Variants in GRID1 observed in about 807,000 individuals in gnomAD.
The protein encoded by GRID1 is glutamate ionotropic receptor delta type subunit 1.
A neutral mutation model predicts 98.0 loss-of-function variants in GRID1; 28 were observed. The ratio of observed to expected loss-of-function variants is 0.29; its 90% CI spans 0.21 to 0.39. GRID1 has a LOEUF of 0.39. GRID1 is among the 10% of genes least tolerant of loss of function. The pLI is 1.00. For missense variants in GRID1, 1,111 were observed against 1,340.5 expected (o/e 0.83, Z 2.67); for synonymous variants, 553 against 538.5 (o/e 1.03, Z -0.37).
intron 2 of GRID1, among the ~76,000 whole-genome samples, chr10:86,354,754 C>T (rs560028118): frequency 1.3e-5 from 2 of 152,218 alleles, no homozygotes; most frequent in Non-Finnish European, 2.9e-5. Context: ...GGGATTCTGG[C>T]CACTCTATGC....
At chr10:86,083,715 A>G (rs1046266578) in intron 4 of GRID1, among the ~76,000 whole-genome samples, 7 of 152,178 alleles carry the variant, frequency 4.6e-5, no homozygotes, top group African/African-American at 1.7e-4. Flanking sequence ...AAGAATGATA[A>G]ATCTGCCAGC....
chr10:86,227,788 C>T (rs1222176366), intron 2 of GRID1, among the ~76,000 whole-genome samples: 1 of 152,180 alleles, frequency 6.6e-6, no homozygotes, highest in Non-Finnish European at 1.5e-5. Context: ...ATCATGGGTG[C>T]TCCATGCACC....
At chr10:86,209,827 T>C (rs1846082448) in intron 2 of GRID1, among the ~76,000 whole-genome samples, 1 of 152,066 alleles carries the variant, frequency 6.6e-6, no homozygotes, top group Non-Finnish European at 1.5e-5. Flanking sequence ...CCTGCCTGGC[T>C]CCCTCCCAGG....
Position 85,857,006 on chromosome 10 carries a change from G to A in GRID1, c.952-816C>T, listed in dbSNP as rs1216779911. Among the ~76,000 whole-genome samples the A allele has an allele frequency of 3.9e-5, 6 of 152,188 alleles. No individual in the cohort carries two copies. In the East Asian group the frequency reaches 9.6e-4, roughly 24 times the overall value. On this transcript the variant is annotated intron_variant, in intron 6 of 15. Coordinates refer to ENST00000327946, the MANE Select transcript of GRID1 (RefSeq NM_017551.3). ...TTGTTGGGTCAGTGTACAGGAAGCTGGAGATCAGATCTGGGCCTCAGAAAG... is the reference window on the plus strand; with the variant it reads ...TTGTTGGGTCAGTGTACAGGAAGCTAGAGATCAGATCTGGGCCTCAGAAAG...
At chr10:85,638,298 T>G (rs1190111627) in intron 13 of GRID1, among the ~76,000 whole-genome samples, 1 of 152,186 alleles carries the variant, frequency 6.6e-6, no homozygotes, top group Non-Finnish European at 1.5e-5. Context: ...TTATATTAAA[T>G]GTAATAACGA....
At chr10:85,792,615 T>C (rs1842490604) in intron 8 of GRID1, among the ~76,000 whole-genome samples, 1 of 152,146 alleles carries the variant, frequency 6.6e-6, no homozygotes, top group Non-Finnish European at 1.5e-5. Flanking sequence ...CTCCTCACAA[T>C]GCTGGCTAAA....
At chr10:85,856,326 G>T in intron 6 of GRID1, 136 bp from the exon 7 acceptor site, 3 of 752,066 alleles carry the variant, frequency 4.0e-6, no homozygotes, top group East Asian at 5.3e-5. Context: ...AAGATCCTCG[G>T]CTTTTAGGTG....
At chr10:86,038,222 C>T (rs76316158) in intron 4 of GRID1, among the ~76,000 whole-genome samples, 3,380 of 152,148 alleles carry the variant, frequency 0.022, 101 homozygotes, top group African/African-American at 0.064. Flanking sequence ...TATGGTAGCC[C>T]CAGCACACTG....
intron 6 of GRID1, among the ~76,000 whole-genome samples, chr10:85,860,910 C>T (rs1269575185): frequency 6.6e-6 from 1 of 152,176 alleles, no homozygotes; most frequent in Non-Finnish European, 1.5e-5. Flanking sequence ...AATGTGGCAG[C>T]CCTGATTTAC....
chr10:86,246,576 T>C (rs1239784436), intron 2 of GRID1, among the ~76,000 whole-genome samples: 1 of 152,094 alleles, frequency 6.6e-6, no homozygotes, highest in Non-Finnish European at 1.5e-5. Flanking sequence ...CTTGCTGGCA[T>C]TCCCTACCAT....
At chr10:85,807,754 G>A (rs1842635763) in intron 8 of GRID1, among the ~76,000 whole-genome samples, 1 of 151,926 alleles carries the variant, frequency 6.6e-6, no homozygotes, top group Non-Finnish European at 1.5e-5. Flanking sequence ...GAGGATCAGT[G>A]GAATATTGTA....
At chr10:85,954,818 T>C (rs528655303) in intron 4 of GRID1, among the ~76,000 whole-genome samples, 14 of 152,326 alleles carry the variant, frequency 9.2e-5, no homozygotes, top group African/African-American at 3.1e-4. Context: ...ACTAATCTTG[T>C]GATCTAGAAG....
intron 2 of GRID1, among the ~76,000 whole-genome samples, chr10:86,359,059 T>C (rs1848569215): frequency 6.6e-6 from 1 of 152,202 alleles, no homozygotes; most frequent in African/African-American, 2.4e-5. Context: ...GTGAGACCCA[T>C]GTTAGGCTTC....
intron 4 of GRID1, among the ~76,000 whole-genome samples, chr10:85,938,280 C>A (rs1191261198): frequency 6.6e-6 from 1 of 152,190 alleles, no homozygotes; most frequent in Non-Finnish European, 1.5e-5. Flanking sequence ...GGGAAAAGTT[C>A]AGCCACAGCC....
At chr10:86,131,353 C>T (rs1844834639) in intron 4 of GRID1, among the ~76,000 whole-genome samples, 1 of 152,146 alleles carries the variant, frequency 6.6e-6, no homozygotes. Context: ...CTGCTGCAGG[C>T]TGTTTCCCTT....
rs775990827 is a variant in GRID1 at position 86,313,811 on chromosome 10, G to A, written c.235+50130C>T. Among the ~76,000 whole-genome samples the A allele has an allele frequency of 2.6e-5, 4 of 152,192 alleles. No homozygotes were observed. In the South Asian group the frequency reaches 8.3e-4, roughly 32 times the overall value. ...CCCACACATCCCCAGCCCCCAGACTGGCGCTCCTGGTGGCTGGCTCCCTGA... is the reference window on the plus strand; with the variant it reads ...CCCACACATCCCCAGCCCCCAGACTAGCGCTCCTGGTGGCTGGCTCCCTGA... On this transcript the variant is annotated intron_variant, in intron 2 of 15. Coordinates refer to ENST00000327946, the MANE Select transcript of GRID1 (RefSeq NM_017551.3).
At chr10:86,103,830 T>C (rs187107766) in intron 4 of GRID1, among the ~76,000 whole-genome samples, 54 of 152,202 alleles carry the variant, frequency 3.5e-4, no homozygotes, top group African/African-American at 1.3e-3. Context: ...GAGAGAATCA[T>C]TACTAACCAC....
chr10:85,923,999 C>T (rs1346886718), intron 4 of GRID1, among the ~76,000 whole-genome samples: 1 of 152,100 alleles, frequency 6.6e-6, no homozygotes, highest in Non-Finnish European at 1.5e-5. Flanking sequence ...AGCCTCTAGT[C>T]CCTCACTAGG....
At chr10:86,294,457 A>G (rs1419364498) in intron 2 of GRID1, among the ~76,000 whole-genome samples, 1 of 152,212 alleles carries the variant, frequency 6.6e-6, no homozygotes, top group East Asian at 1.9e-4. Flanking sequence ...AAGCCATTCC[A>G]AGAATCCAGG....
Sources: allele counts gnomAD v4.1 joint callset (sites outside exome capture counted in the v4.1 genomes callset), GRCh38; gene constraint gnomAD v4.1.1; transcripts MANE v1.5; gene names NCBI Gene and HGNC (gene_info 2026-07-23, HGNC 2026-07-21).